Variants in ADAM9 observed in about 807,000 individuals in gnomAD.
ADAM9 encodes disintegrin and metalloproteinase domain-containing protein 9.
In ADAM9, 54 loss-of-function variants were observed where a neutral mutation model predicts 108.1. The observed-to-expected ratio is 0.50, with a 90% CI of 0.40 to 0.63. The LOEUF is 0.63. ADAM9 is among the 20% of genes least tolerant of loss of function. The pLI is 0.00. For missense variants in ADAM9, 830 were observed against 997.7 expected (o/e 0.83, Z 2.26); for synonymous variants, 316 against 336.0 (o/e 0.94, Z 0.65).
rs920552277 is a variant in ADAM9, at chr8:39,079,805, G to A, written c.1881+2394G>A. Among the ~76,000 whole-genome samples the A allele has an allele frequency of 3.3e-5, 5 of 152,212 alleles. No individual in the cohort carries two copies. In the East Asian group the frequency reaches 7.8e-4, roughly 24 times the overall value. On this transcript the variant is annotated intron_variant, in intron 16 of 21. Coordinates refer to ENST00000487273, the MANE Select transcript of ADAM9 (RefSeq NM_003816.3). ...TCGCCATATTGGCCAGACTGGTCTC[G>A]AATTCCTAACCTCAAGTGATCTGCC...
intron 10 of ADAM9, among the ~76,000 whole-genome samples, chr8:39,026,132 A>G (rs1455873433): frequency 6.6e-6 from 1 of 152,144 alleles, no homozygotes; most frequent in Non-Finnish European, 1.5e-5. Context: ...ACATGTGCAG[A>G]ATGTCCAGGT....
At chr8:39,096,352 A>T (rs1554587791) in intron 20 of ADAM9, among the ~76,000 whole-genome samples, 6 of 126,062 alleles carry the variant, frequency 4.8e-5, no homozygotes, top group East Asian at 3.0e-4. Flanking sequence ...ATATTGTGAT[A>T]TCTTTGCAAT....
intron 12 of ADAM9, among the ~76,000 whole-genome samples, chr8:39,052,285 A>G (rs1837982388): frequency 6.6e-6 from 1 of 152,034 alleles, no homozygotes; most frequent in Non-Finnish European, 1.5e-5. Context: ...TTATTATTTT[A>G]TGTATTCCTT....
chr8:39,070,975 T>A (rs1316778714), intron 14 of ADAM9, among the ~76,000 whole-genome samples: 3 of 152,210 alleles, frequency 2.0e-5, no homozygotes, highest in Non-Finnish European at 4.4e-5. Flanking sequence ...GCAATGAGAA[T>A]GAATATGCTG....
chr8:39,071,185 G>T, intron 14 of ADAM9, 113 bp from the exon 15 acceptor site: 1 of 879,838 alleles, frequency 1.1e-6, no homozygotes. Context: ...ACGGTGTTGA[G>T]GGGTATTGAG....
At chr8:39,037,819 CTTCT>C (rs1231074792) in intron 11 of ADAM9, among the ~76,000 whole-genome samples, 1 of 152,192 alleles carries the variant, frequency 6.6e-6, no homozygotes, top group Non-Finnish European at 1.5e-5. Flanking sequence ...AAACTGCAGT[CTTCT>C]TTGTTTATCA....
chr8:39,010,734 C>T (rs1180674921), intron 2 of ADAM9, among the ~76,000 whole-genome samples: 3 of 152,128 alleles, frequency 2.0e-5, no homozygotes, highest in Admixed American at 6.5e-5. Context: ...ATATATGTTA[C>T]TTTAATTCCT....
At chr8:39,048,021 A>G (rs1377234483) in intron 12 of ADAM9, among the ~76,000 whole-genome samples, 4 of 150,594 alleles carry the variant, frequency 2.7e-5, no homozygotes, top group Non-Finnish European at 5.9e-5. Flanking sequence ...CCTGGTTTCT[A>G]GTGATTCTTG....
intron 12 of ADAM9, among the ~76,000 whole-genome samples, chr8:39,049,371 TAC>T (rs1016146101): frequency 3.3e-5 from 5 of 152,076 alleles, no homozygotes; most frequent in East Asian, 1.9e-4. Context: ...GTTCTCCCAT[TAC>T]ACAGTTTATG....
At chr8:39,087,238 A>G (rs1019805176) in intron 18 of ADAM9, among the ~76,000 whole-genome samples, 3 of 151,620 alleles carry the variant, frequency 2.0e-5, no homozygotes, top group African/African-American at 7.3e-5. Flanking sequence ...TCTAAGGCTC[A>G]CATTTTTTTT....
Position 38,997,035 on chromosome 8 carries a change from G to A in ADAM9, c.-29G>A, listed in dbSNP as rs779220109. On this transcript the variant is annotated 5_prime_UTR_variant, in exon 1 of 22. Coordinates refer to ENST00000487273, the MANE Select transcript of ADAM9 (RefSeq NM_003816.3). ...GAGGCGGAGGTGGAGGCGACCGAGT[G>A]CTGAGAGGAACCTGCGGAATCGGCC... The A allele has an allele frequency of 6.2e-7, 1 of 1,603,310 alleles. No individual in the cohort carries two copies. Among genetic ancestry groups the A allele is most frequent in the Non-Finnish European group, 8.5e-7 (1 of 1,178,902 alleles).
intron 14 of ADAM9, among the ~76,000 whole-genome samples, 172 bp from the exon 15 acceptor site, chr8:39,071,126 T>C (rs879593119): frequency 6.6e-6 from 1 of 152,210 alleles, no homozygotes; most frequent in Admixed American, 6.5e-5. Context: ...TCATTACATA[T>C]GAAATGTGGA....
intron 12 of ADAM9, among the ~76,000 whole-genome samples, chr8:39,042,805 A>T (rs1461820103): frequency 1.3e-5 from 2 of 152,150 alleles, no homozygotes; most frequent in Admixed American, 1.3e-4. Context: ...GAGATTTTTA[A>T]ATGTCCAGTA....
At chr8:39,045,166 A>G (rs1201052833) in intron 12 of ADAM9, among the ~76,000 whole-genome samples, 1 of 114,684 alleles carries the variant, frequency 8.7e-6, no homozygotes, top group African/African-American at 3.2e-5. Context: ...ATACATACAT[A>G]TATGTGTATA....
At chr8:39,099,510 A>G (rs1839616482) in intron 20 of ADAM9, among the ~76,000 whole-genome samples, 1 of 152,174 alleles carries the variant, frequency 6.6e-6, no homozygotes, top group Non-Finnish European at 1.5e-5. Flanking sequence ...TAATAACCGC[A>G]TGCTGTTCCC....
At chr8:39,039,951 A>G (rs13282163) in intron 11 of ADAM9, among the ~76,000 whole-genome samples, 9 of 152,106 alleles carry the variant, frequency 5.9e-5, no homozygotes, top group African/African-American at 2.2e-4. Flanking sequence ...GGGAACTCCT[A>G]TTGTTTTCCA....
rs184194687 is a variant in ADAM9 at position 39,037,112 on chromosome 8, A to T, written c.1131-4834A>T. 5.0e-3 allele frequency among the ~76,000 whole-genome samples: 587 copies of T among 116,598 alleles called. 1 individual carries two copies. The highest frequency in any genetic ancestry group is 0.014 in the South Asian group (50 of 3,690). 76.5% of individuals were successfully genotyped at this position (116,598 alleles called of 152,430 possible). On this transcript the variant is annotated intron_variant, in intron 11 of 21. Coordinates refer to ENST00000487273, the MANE Select transcript of ADAM9 (RefSeq NM_003816.3). ...CGCTCTGTCACCCAGGCTGGAGTGCAGTGGCGCAGTCTCGGCTCACTGCAA... is the reference window on the plus strand; with the variant it reads ...CGCTCTGTCACCCAGGCTGGAGTGCTGTGGCGCAGTCTCGGCTCACTGCAA...
At position 39,014,051 on chromosome 8, in the gene ADAM9, A is replaced by G; in HGVS notation, c.333+8A>G. On this transcript the variant is annotated splice_region_variant and intron_variant, in intron 4 of 21. Coordinates refer to ENST00000487273, the MANE Select transcript of ADAM9 (RefSeq NM_003816.3). ...GACCATCCCAATATACAGGTAATGT[A>G]TTTTTCTCTTGATCCCATAGCAAAT... 1 of 1,607,910 alleles carries G rather than the reference A, an allele frequency of 6.2e-7. No individual in the cohort carries two copies.
intron 4 of ADAM9, chr8:39,015,701 T>A (rs967214289): frequency 6.3e-6 from 1 of 158,796 alleles, no homozygotes; most frequent in African/African-American, 2.4e-5. Flanking sequence ...TTGCTTCAGA[T>A]TAAAGTTTAT....
Sources: allele counts gnomAD v4.1 joint callset (sites outside exome capture counted in the v4.1 genomes callset), GRCh38; gene constraint gnomAD v4.1.1; transcripts MANE v1.5; gene names NCBI Gene and HGNC (gene_info 2026-07-23, HGNC 2026-07-21).